CLPB: variants seen among roughly 807,000 people sequenced by gnomAD.
CLPB encodes mitochondrial disaggregase.
In CLPB, 40 loss-of-function variants were observed where a neutral mutation model predicts 78.4. That is an observed-to-expected ratio of 0.51 (90% CI 0.40 to 0.66). CLPB has a LOEUF of 0.66. Among genes scored for constraint, CLPB ranks in the 30% least tolerant of loss-of-function variants. The pLI, the probability that CLPB is intolerant of heterozygous loss-of-function variation, is 0.00. For synonymous variants in CLPB, 333 were observed against 348.0 expected, an observed-to-expected ratio of 0.96 and a Z score of 0.48; for missense variants, 780 against 886.9, an observed-to-expected ratio of 0.88 and a Z score of 1.53.
At chr11:72,353,186 T>A (rs1210075897) in intron 5 of CLPB, 1 of 152,194 alleles carries the variant, frequency 6.6e-6, no homozygotes, top group Non-Finnish European at 1.5e-5. Context: ...CAGGCAGGGA[T>A]GGTGGGGAAT....
chr11:72,381,258 C>T (rs1431007275), intron 3 of CLPB, among the ~76,000 whole-genome samples: 1 of 152,136 alleles, frequency 6.6e-6, no homozygotes, highest in Non-Finnish European at 1.5e-5. Context: ...GAGGGCTGGA[C>T]TTTGCCTTGG....
intron 2 of CLPB, among the ~76,000 whole-genome samples, chr11:72,406,440 G>T (rs771695323): frequency 2.4e-4 from 37 of 152,282 alleles, no homozygotes; most frequent in Non-Finnish European, 4.1e-4. Flanking sequence ...GTCAGACCCC[G>T]ATTTGAATTC....
At chr11:72,352,509 T>TC (rs1459139231) in intron 5 of CLPB, 3 of 152,280 alleles carry the variant, frequency 2.0e-5, no homozygotes, top group Admixed American at 6.5e-5. Context: ...CGTTGCTCCC[T>TC]CCGCCTTCCT....
At chr11:72,344,075 C>A (rs765593900) in intron 5 of CLPB, among the ~76,000 whole-genome samples, 14 of 152,140 alleles carry the variant, frequency 9.2e-5, no homozygotes, top group Non-Finnish European at 1.8e-4. Context: ...TGAATAAGCA[C>A]AGATGAAGTT....
At position 72,287,721 on chromosome 11, in the gene CLPB, C is replaced by G. The variant is rs1234663324; in HGVS notation, c.*5646G>C. ...TTCCAGTTTCTTCTTGGGTAACCAA[C>G]TGGCCTATTCAAACTATTTCTAGGA... On this transcript the variant is annotated 3_prime_UTR_variant, in exon 16 of 16. Coordinates refer to ENST00000538039, the MANE Select transcript of CLPB (RefSeq NM_001258392.3). 2 of 152,222 alleles carry G rather than the reference C, an allele frequency of 1.3e-5. No homozygotes were observed. The highest frequency in any genetic ancestry group is 3.8e-4 in the East Asian group (2 of 5,204). 9.4% of individuals were successfully genotyped at this position (152,222 alleles called of 1,614,324 possible). A position where few individuals can be genotyped will look rare whatever the true frequency, so the allele number is the denominator to read the frequency against.
intron 2 of CLPB, among the ~76,000 whole-genome samples, chr11:72,413,016 C>T (rs1855921448): frequency 6.6e-6 from 1 of 152,144 alleles, no homozygotes; most frequent in Non-Finnish European, 1.5e-5. Flanking sequence ...ATGCCAGGTG[C>T]GGTGGCTCAG....
At chr11:72,386,494 C>A (rs117409012) in intron 3 of CLPB, among the ~76,000 whole-genome samples, 201 of 152,224 alleles carry the variant, frequency 1.3e-3, no homozygotes, top group Non-Finnish European at 4.4e-4. Flanking sequence ...TGATGGTTTC[C>A]CACGTACCAT....
chr11:72,323,315 T>A lies in CLPB; in HGVS notation c.874-6095A>T, dbSNP rs568164300. On this transcript the variant is annotated intron_variant, in intron 6 of 15. Transcript: ENST00000538039. ...TGGGCGTGGTGGCTCATGCCTGTAA[T>A]CCCAGCACTTTGGGAGGCCGAGGCG... Among the ~76,000 whole-genome samples, 53 of 152,264 alleles carry A rather than the reference T, an allele frequency of 3.5e-4. 1 individual carries two copies. The South Asian group carries it at 0.011, about 31-fold the overall frequency.
intron 4 of CLPB, chr11:72,373,087 G>A (rs572600067): frequency 8.4e-6 from 11 of 1,310,768 alleles, no homozygotes; most frequent in Non-Finnish European, 1.1e-5. Context: ...TGGGAAGGGG[G>A]CACTCAGGCT....
At chr11:72,414,585 C>A (rs1855966834) in intron 2 of CLPB, among the ~76,000 whole-genome samples, 1 of 152,218 alleles carries the variant, frequency 6.6e-6, no homozygotes, top group Non-Finnish European at 1.5e-5. Context: ...CTCAACAAAA[C>A]TGAAGTAACA....
At chr11:72,305,182 A>G (rs1949724199) in intron 9 of CLPB, among the ~76,000 whole-genome samples, 2 of 152,188 alleles carry the variant, frequency 1.3e-5, no homozygotes, top group Admixed American at 1.3e-4. Context: ...GCTGAGAACA[A>G]CGGTATCACA....
Position 72,290,398 on chromosome 11 carries a change from C to A in CLPB, c.*2969G>T, listed in dbSNP as rs1254769416. On this transcript the variant is annotated 3_prime_UTR_variant, in exon 16 of 16. Coordinates refer to ENST00000538039, the MANE Select transcript of CLPB (RefSeq NM_001258392.3). The stretch of plus-strand genomic sequence containing the variant: ...AAATGGGGAAAAGGGACAGCTCTTC[C>A]TTATAGTAGAATACCAATTAATAAA... The A allele has an allele frequency of 6.6e-6, 1 of 152,132 alleles. No homozygotes were observed. The highest frequency in any genetic ancestry group is 6.6e-5 in the Admixed American group (1 of 15,266). 9.4% of individuals were successfully genotyped at this position (152,132 alleles called of 1,614,324 possible).
At chr11:72,299,768 C>T (rs1409584315) in intron 11 of CLPB, among the ~76,000 whole-genome samples, 1 of 152,160 alleles carries the variant, frequency 6.6e-6, no homozygotes, top group Non-Finnish European at 1.5e-5. Flanking sequence ...CAGCTTTGGT[C>T]AATGGAACCA....
chr11:72,405,738 C>T (rs746652624), intron 2 of CLPB, among the ~76,000 whole-genome samples: 9 of 152,198 alleles, frequency 5.9e-5, no homozygotes, highest in Non-Finnish European at 8.8e-5. Flanking sequence ...ACCATCCTGG[C>T]TAACACGGTG....
At chr11:72,355,451 G>A (rs1341617102) in intron 5 of CLPB, 1 of 152,206 alleles carries the variant, frequency 6.6e-6, no homozygotes. Flanking sequence ...CTTTATACAT[G>A]TCACAATGAT....
chr11:72,315,828 T>C (rs994499840), intron 7 of CLPB, among the ~76,000 whole-genome samples: 1 of 152,190 alleles, frequency 6.6e-6, no homozygotes, highest in African/African-American at 2.4e-5. Flanking sequence ...TGGCCTAGCC[T>C]CTAGATCTGC....
rs549618640 is a variant in CLPB at position 72,386,600 on chromosome 11, G to A, written c.543-6216C>T. On this transcript the variant is annotated intron_variant, in intron 3 of 15. Coordinates refer to ENST00000538039, the MANE Select transcript of CLPB (RefSeq NM_001258392.3). ...TTTCACTAACTTACATGCACACAAA[G>A]ATACAGTCCTTACAGGTAAGCCCAA... 2.0e-5 allele frequency among the ~76,000 whole-genome samples: 3 copies of A among 152,304 alleles called. No individual in the cohort carries two copies. The East Asian group carries it at 5.8e-4, about 29-fold the overall frequency.
chr11:72,300,087 C>G (rs1949628782), intron 11 of CLPB, among the ~76,000 whole-genome samples: 1 of 152,160 alleles, frequency 6.6e-6, no homozygotes, highest in Non-Finnish European at 1.5e-5. Context: ...TCTTTTGGCC[C>G]TAGCTGCGTG....
chr11:72,368,946 G>C (rs762676406), intron 4 of CLPB, among the ~76,000 whole-genome samples: 2 of 152,080 alleles, frequency 1.3e-5, no homozygotes, highest in African/African-American at 2.4e-5. Flanking sequence ...TGTAGCATGG[G>C]GGCTCAGAAT....
Sources: allele counts gnomAD v4.1 joint callset (sites outside exome capture counted in the v4.1 genomes callset), GRCh38; gene constraint gnomAD v4.1.1; transcripts MANE v1.5; gene names NCBI Gene and HGNC (gene_info 2026-07-23, HGNC 2026-07-21).